The following USP43 variants were observed in gnomAD, a reference collection of about 807,000 sequenced individuals.
The protein encoded by USP43 is ubiquitin specific peptidase 43.
USP43 carries 33 observed loss-of-function variants against 90.7 expected under a neutral mutation model. That is an observed-to-expected ratio of 0.36 (90% CI 0.28 to 0.49). USP43 has a LOEUF of 0.49. Among genes scored for constraint, USP43 ranks in the 20% least tolerant of loss-of-function variants. The pLI is 0.98. For synonymous variants in USP43, 598 were observed against 615.8 expected (o/e 0.97, Z 0.43); for missense variants, 1,274 against 1,476.4 (o/e 0.86, Z 2.25).
chr17:9,648,180 T>C (rs951888738), intron 1 of USP43, among the ~76,000 whole-genome samples: 6 of 152,234 alleles, frequency 3.9e-5, no homozygotes, highest in Admixed American at 6.5e-5. Flanking sequence ...TGTAATATGT[T>C]AATGAGGGAG....
At position 9,692,832 on chromosome 17, in the gene USP43, G is replaced by A. The variant is rs191999646; in HGVS notation, c.1354-295G>A. Among the ~76,000 whole-genome samples, 84 of 152,236 alleles carry A rather than the reference G, an allele frequency of 5.5e-4. No individual in the cohort carries two copies. In the East Asian group the frequency reaches 0.015, roughly 28 times the overall value. On this transcript the variant is annotated intron_variant, in intron 8 of 14. Coordinates refer to ENST00000285199, the MANE Select transcript of USP43 (RefSeq NM_153210.5). ...ATGATTGATTTATGTTCCATTACAT[G>A]TACCAGTATCTGCTCCAGTTAAGCA...
In USP43 at chr17:9,728,838, C is replaced by T. The variant is rs202235190; in HGVS notation, c.3220C>T (p.Arg1074Cys). 103 of 1,613,744 alleles carry T rather than the reference C, an allele frequency of 6.4e-5. No homozygotes were observed. Among genetic ancestry groups the T allele is most frequent in the Non-Finnish European group, 7.2e-5 (85 of 1,179,860 alleles). The change falls in exon 15 of 15, where the codon CGT becomes TGT. Residue 1074 changes from arginine (R) to cysteine (C), a missense_variant. Physicochemically the swap from Arg to Cys is radical, Grantham distance 180 (BLOSUM62 -3). Transcript: ENST00000285199. The surrounding 1 kb of genome is among the most constrained non-coding windows in gnomAD (Gnocchi z 6.2). ...WSAPSSLRLP[R>C]KASRAPRGSA... ...AGCCCCCAGCTCTCTCCGCCTCCCT[C>T]GTAAAGCCAGCAGGGCCCCGAGAGG...
intron 14 of USP43, among the ~76,000 whole-genome samples, chr17:9,715,699 CTGTGTGTGTCTCTGTGTGTGTATG>C (rs1279390041): frequency 2.5e-3 from 251 of 99,526 alleles, no homozygotes; most frequent in Non-Finnish European, 3.8e-3. Flanking sequence ...GTGTGTGTGT[CTGTGTGTGTCTCTGTGTGTGTATG>C]TGTGTGTGTG....
At position 9,674,990 on chromosome 17, in the gene USP43, G is replaced by C; in HGVS notation, c.833+7G>C. 6.2e-7 allele frequency: 1 copy of C among 1,612,764 alleles called. No homozygotes were observed. The highest frequency in any genetic ancestry group is 1.1e-5 in the South Asian group (1 of 91,050). On this transcript the variant is annotated splice_region_variant and intron_variant, in intron 4 of 14. Transcript: ENST00000285199. The surrounding 1 kb of genome is among the most constrained non-coding windows in gnomAD (Gnocchi z 4.4). ...TCCCCTTGCGCCAGACGAGGTACGT[G>C]AGTGTCGCGGCTTGCCCGGTGAACT...
At chr17:9,691,498 GTTGT>G (rs1336856930) in intron 8 of USP43, among the ~76,000 whole-genome samples, 1 of 152,060 alleles carries the variant, frequency 6.6e-6, no homozygotes, top group African/African-American at 2.4e-5. Context: ...GGACACTCAG[GTTGT>G]TTCTTTCTTT....
At chr17:9,651,340 C>T (rs571962650) in intron 1 of USP43, among the ~76,000 whole-genome samples, 6 of 152,128 alleles carry the variant, frequency 3.9e-5, no homozygotes, top group South Asian at 2.1e-4. Flanking sequence ...TACAGGCGCG[C>T]GCCACCATGC....
At chr17:9,696,414 G>A (rs1216006863) in intron 9 of USP43, among the ~76,000 whole-genome samples, 2 of 152,098 alleles carry the variant, frequency 1.3e-5, no homozygotes, top group Non-Finnish European at 2.9e-5. Context: ...GATTACAGTC[G>A]TGAGCCACCA....
intron 14 of USP43, among the ~76,000 whole-genome samples, chr17:9,720,091 C>T (rs78577951): frequency 0.039 from 5,940 of 150,778 alleles, 223 homozygotes; most frequent in East Asian, 0.21. Context: ...ACTAGGAAGC[C>T]GAGGCAGGCA....
At chr17:9,699,295 A>G (rs961552869) in intron 9 of USP43, among the ~76,000 whole-genome samples, 1 of 150,402 alleles carries the variant, frequency 6.6e-6, no homozygotes, top group Admixed American at 6.6e-5. Context: ...GTTTTTCCCA[A>G]TGCATCAGGG....
intron 14 of USP43, among the ~76,000 whole-genome samples, chr17:9,723,941 G>A (rs74252915): frequency 0.04 from 6,111 of 152,086 alleles, 223 homozygotes; most frequent in East Asian, 0.21. Context: ...GGTCAGTCAC[G>A]TTTTTCAGTC....
chr17:9,665,878 C>T (rs1045633390), intron 2 of USP43, among the ~76,000 whole-genome samples: 2 of 152,086 alleles, frequency 1.3e-5, no homozygotes, highest in Non-Finnish European at 2.9e-5. Flanking sequence ...CAAGGAATGC[C>T]GGCAGCCACC....
intron 12 of USP43, among the ~76,000 whole-genome samples, chr17:9,704,765 C>T (rs573404962): frequency 6.6e-6 from 1 of 151,454 alleles, no homozygotes; most frequent in African/African-American, 2.4e-5. Flanking sequence ...AACCCCCCCA[C>T]CTCCCCCAGG....
intron 6 of USP43, among the ~76,000 whole-genome samples, chr17:9,680,572 T>C (rs1261139473): frequency 6.6e-6 from 1 of 152,194 alleles, no homozygotes; most frequent in Non-Finnish European, 1.5e-5. Context: ...GCTTAGTGAA[T>C]ATTAGAATCA....
intron 12 of USP43, among the ~76,000 whole-genome samples, chr17:9,703,085 A>G (rs956476287): frequency 6.6e-6 from 1 of 152,082 alleles, no homozygotes; most frequent in East Asian, 1.9e-4. Flanking sequence ...CTGTCCAGCC[A>G]CTTCCCCTGT....
chr17:9,708,220 A>G (rs1915997420), intron 12 of USP43, among the ~76,000 whole-genome samples: 1 of 152,196 alleles, frequency 6.6e-6, no homozygotes, highest in Admixed American at 6.5e-5. Context: ...AGTGGGCAGG[A>G]CACTCTAGGC....
At chr17:9,692,157 A>G (rs1171826528) in intron 8 of USP43, among the ~76,000 whole-genome samples, 1 of 151,812 alleles carries the variant, frequency 6.6e-6, no homozygotes, top group Non-Finnish European at 1.5e-5. Context: ...TCAGGAGTTC[A>G]AGAGCAGCCT....
intron 8 of USP43, among the ~76,000 whole-genome samples, chr17:9,691,894 T>A (rs1296327580): frequency 6.7e-6 from 1 of 150,030 alleles, no homozygotes; most frequent in Non-Finnish European, 1.5e-5. Flanking sequence ...ACAAAAAAAA[T>A]TAGCCGGGTG....
intron 1 of USP43, among the ~76,000 whole-genome samples, chr17:9,648,094 A>C (rs567712547): frequency 1.3e-5 from 2 of 152,292 alleles, no homozygotes; most frequent in South Asian, 2.1e-4. Flanking sequence ...AGAATTCCCT[A>C]TCTCTCTCCC....
intron 12 of USP43, among the ~76,000 whole-genome samples, chr17:9,706,631 A>ATTTT (rs34165346): frequency 5.3e-4 from 45 of 84,468 alleles, no homozygotes; most frequent in Non-Finnish European, 8.2e-4. Context: ...TCAGATATTA[A>ATTTT]TTTTTTTTTT....
Sources: gnomAD v4.1 joint callset for allele counts (sites outside exome capture counted in the v4.1 genomes callset) on GRCh38, gnomAD v4.1.1 for gene constraint, Gnocchi (gnomAD v3.1) non-coding constraint, MANE v1.5 for transcripts, NCBI Gene and HGNC (gene_info 2026-07-23, HGNC 2026-07-21) for gene names.